Variants in RFWD3 observed in about 807,000 individuals in gnomAD.
The protein encoded by RFWD3 is ring finger and WD repeat domain 3.
RFWD3 carries 65 observed loss-of-function variants against 87.7 expected under a neutral mutation model. The ratio of observed to expected loss-of-function variants is 0.74; its 90% CI spans 0.61 to 0.91. The LOEUF is 0.91. Among genes scored for constraint, RFWD3 ranks in the 40% least tolerant of loss-of-function variants. The pLI is 0.00. For missense variants in RFWD3, 1,078 were observed against 938.5 expected (o/e 1.15, Z -1.94); for synonymous variants, 433 against 352.8 (o/e 1.23, Z -2.55).
chr16:74,663,469 G>A (rs936341592), intron 1 of RFWD3, among the ~76,000 whole-genome samples: 1 of 152,168 alleles, frequency 6.6e-6, no homozygotes, highest in Non-Finnish European at 1.5e-5. Context: ...AGGATGACAG[G>A]TGACCTAAAA....
Position 74,649,168 on chromosome 16 carries a change from A to G in RFWD3, c.756T>C (p.Val252=), listed in dbSNP as rs756933752. 1 of 1,571,304 alleles carries G rather than the reference A, an allele frequency of 6.4e-7. No homozygotes were observed. Among genetic ancestry groups the G allele is most frequent in the South Asian group, 1.2e-5 (1 of 83,720 alleles). ...GGGTCTTGCCTCCATCGATACATGT[A>G]ACTTCTTGCTCTGCTGAGACACCTG... is the stretch of plus-strand genomic sequence containing the variant. ...QLAGVSAEQE[V]TCIDGGKTLP... Residue 252 remains valine, a synonymous_variant, in exon 4 of 13, where the codon GTT becomes GTC. Coordinates refer to ENST00000361070, the MANE Select transcript of RFWD3 (RefSeq NM_018124.4).
intron 4 of RFWD3, among the ~76,000 whole-genome samples, chr16:74,645,956 G>T (rs987357036): frequency 2.0e-5 from 3 of 150,982 alleles, no homozygotes; most frequent in Non-Finnish European, 4.4e-5. Flanking sequence ...CACCGTGTTA[G>T]TTAGGATGGT....
intron 2 of RFWD3, among the ~76,000 whole-genome samples, chr16:74,660,075 C>G (rs7195499): frequency 0.72 from 108,764 of 151,878 alleles, 39,568 homozygotes; most frequent in African/African-American, 0.84. Context: ...ATAATAAAAA[C>G]AAGAAGAAAG....
At chr16:74,663,868 A>C (rs1334099598) in intron 1 of RFWD3, among the ~76,000 whole-genome samples, 1 of 152,220 alleles carries the variant, frequency 6.6e-6, no homozygotes, top group Non-Finnish European at 1.5e-5. Flanking sequence ...ACCAGGTACC[A>C]CAAAAGGCAA....
intron 6 of RFWD3, among the ~76,000 whole-genome samples, chr16:74,638,448 C>T (rs139528678): frequency 9.4e-4 from 143 of 152,164 alleles, no homozygotes; most frequent in South Asian, 2.1e-3. Flanking sequence ...CATAAATAGG[C>T]ATAACGAGGA....
In RFWD3 at chr16:74,622,988, G is replaced by C. The variant is rs1377612899; in HGVS notation, c.*940C>G. The C allele has an allele frequency of 6.6e-6, 1 of 152,176 alleles. No individual in the cohort carries two copies. Among genetic ancestry groups the C allele is most frequent in the East Asian group, 1.9e-4 (1 of 5,194 alleles). The allele number at this position is 152,176 out of a possible 1,614,324, so 9.4% of individuals were successfully genotyped here. ...CTTCTCATGTTTTCAATAGCAGTCT[G>C]AATAGCTTTTGTAAATTCTCTTATG... On this transcript the variant is annotated 3_prime_UTR_variant, in exon 13 of 13. Transcript: ENST00000361070.
Position 74,628,511 on chromosome 16 carries a change from C to T in RFWD3, c.1910G>A (p.Gly637Asp). ...GTTCTCTGTCTGAAAGTCTATGCAGCCCCCTGGCTCCAAGGGCAGCACATG... is the reference window on the plus strand; with the variant it reads ...GTTCTCTGTCTGAAAGTCTATGCAGTCCCCTGGCTCCAAGGGCAGCACATG... Reference protein sequence around the residue: ...WPHVLPLEPGGCIDFQTENSS... With the variant: ...WPHVLPLEPGDCIDFQTENSS... Residue 637 changes from glycine (G) to aspartate (D), a missense_variant, in exon 11 of 13, where the codon GGC becomes GAC. Physicochemically the swap from Gly to Asp is moderately conservative, Grantham distance 94. Transcript: ENST00000361070. The T allele has an allele frequency of 1.9e-6, 3 of 1,614,126 alleles. No homozygotes were observed. The highest frequency in any genetic ancestry group is 2.5e-6 in the Non-Finnish European group (3 of 1,180,008).
At chr16:74,637,005 G>A (rs1194314802) in intron 7 of RFWD3, among the ~76,000 whole-genome samples, 4 of 151,186 alleles carry the variant, frequency 2.6e-5, no homozygotes, top group Admixed American at 1.3e-4. Context: ...GAGCCACCGC[G>A]CCCGGCCAGA....
At chr16:74,625,291 TGAGA>T (rs1958897466) in intron 12 of RFWD3, among the ~76,000 whole-genome samples, 2 of 150,566 alleles carry the variant, frequency 1.3e-5, no homozygotes, top group African/African-American at 4.9e-5. Context: ...GAGGCTGAGG[TGAGA>T]AGACTGCTTG....
intron 8 of RFWD3, among the ~76,000 whole-genome samples, chr16:74,633,635 T>C (rs374307348): frequency 1.1e-4 from 17 of 152,122 alleles, no homozygotes; most frequent in African/African-American, 3.9e-4. Context: ...TCAAAGGCCA[T>C]AGGGAAACTT....
At chr16:74,644,001 A>C (rs529415671) in intron 6 of RFWD3, 28 of 288,302 alleles carry the variant, frequency 9.7e-5, no homozygotes, top group Non-Finnish European at 1.8e-4. Flanking sequence ...GTGCTTCCGA[A>C]ATCCTGGTAA....
intron 12 of RFWD3, 90 bp downstream of exon 12, chr16:74,626,253 G>A: frequency 8.7e-7 from 1 of 1,148,622 alleles, no homozygotes; most frequent in Non-Finnish European, 1.3e-6. Context: ...TTTGCTATAT[G>A]AGCTTCTGTA....
chr16:74,632,769 G>A (rs1959141342), intron 8 of RFWD3, 96 bp from the exon 9 acceptor site: 1 of 1,123,760 alleles, frequency 8.9e-7, no homozygotes, highest in African/African-American at 1.5e-5. Context: ...CACCTTTCTT[G>A]GCGTATAAGT....
rs770650354 is a variant in RFWD3 at position 74,632,699 on chromosome 16, T to C, written c.1427-26A>G. ...CTGAAAAAGGCAAAATAGTATGAAA[T>C]AGATCACTGAAAGTGAACCTAGGGC... is the stretch of plus-strand genomic sequence containing the variant. On this transcript the variant is annotated intron_variant, in intron 8 of 12. Coordinates refer to ENST00000361070, the MANE Select transcript of RFWD3 (RefSeq NM_018124.4). 14 of 1,611,096 alleles carry C rather than the reference T, an allele frequency of 8.7e-6. 1 individual carries two copies. Among genetic ancestry groups the C allele is most frequent in the African/African-American group, 6.7e-5 (5 of 74,966 alleles).
intron 4 of RFWD3, among the ~76,000 whole-genome samples, chr16:74,646,282 A>AGAAGCATCACCTGAGCCC (rs1408587525): frequency 6.6e-6 from 1 of 152,204 alleles, no homozygotes; most frequent in East Asian, 1.9e-4. Flanking sequence ...AGGCTGAGGT[A>AGAAGCATCACCTGAGCCC]GAAGCATCAC....
Position 74,660,912 on chromosome 16 carries a change from T to A in RFWD3, c.518+20A>T, listed in dbSNP as rs1411773465. ...TTCTAGTACAGCAATGATCACAGAC[T>A]TATCCATATATTTATTTACCTGGCA... is the stretch of plus-strand genomic sequence containing the variant. On this transcript the variant is annotated intron_variant, in intron 2 of 12. Coordinates refer to ENST00000361070, the MANE Select transcript of RFWD3 (RefSeq NM_018124.4). The A allele has an allele frequency of 1.9e-6, 3 of 1,599,158 alleles. No individual in the cohort carries two copies. The highest frequency in any genetic ancestry group is 2.6e-6 in the Non-Finnish European group (3 of 1,170,914).
At position 74,644,746 on chromosome 16, in the gene RFWD3, A is replaced by G. The variant is rs765904014; in HGVS notation, c.793-11T>C. The G allele has an allele frequency of 1.9e-6, 3 of 1,596,876 alleles. No individual in the cohort carries two copies. Among genetic ancestry groups the G allele is most frequent in the Non-Finnish European group, 2.6e-6 (3 of 1,168,214 alleles). The stretch of plus-strand genomic sequence containing the variant: ...CTTCTGGGGAGATGGCTAGATGGAA[A>G]GCAGAATATATTCAAATTAGAGAAA... On this transcript the variant is annotated splice_polypyrimidine_tract_variant and intron_variant, in intron 4 of 12. Transcript: ENST00000361070.
chr16:74,630,195 A>G (rs886546184), intron 10 of RFWD3, among the ~76,000 whole-genome samples: 1 of 152,152 alleles, frequency 6.6e-6, no homozygotes, highest in Non-Finnish European at 1.5e-5. Context: ...TCCGAGGCTC[A>G]ATAGATTCTT....
At chr16:74,629,358 T>C (rs1168224232) in intron 10 of RFWD3, among the ~76,000 whole-genome samples, 2 of 152,214 alleles carry the variant, frequency 1.3e-5, no homozygotes, top group Non-Finnish European at 2.9e-5. Flanking sequence ...TCCTTGCTAT[T>C]TTAAAACTTG....
Sources: gnomAD v4.1 joint callset for allele counts (sites outside exome capture counted in the v4.1 genomes callset) on GRCh38, gnomAD v4.1.1 for gene constraint, MANE v1.5 for transcripts, NCBI Gene and HGNC (gene_info 2026-07-23, HGNC 2026-07-21) for gene names.